The following TMEM135 variants were observed in gnomAD, a reference collection of about 807,000 sequenced individuals.
The protein encoded by TMEM135 is peroxisomal membrane protein 52.
In TMEM135, 30 loss-of-function variants were observed where a neutral mutation model predicts 60.3. The observed-to-expected ratio is 0.50, with a 90% CI of 0.37 to 0.68. The LOEUF is 0.68. Among genes scored for constraint, TMEM135 ranks in the 30% least tolerant of loss-of-function variants. TMEM135 has a pLI of 0.00. For missense variants in TMEM135, 468 were observed against 548.8 expected, an observed-to-expected ratio of 0.85 and a Z score of 1.47; for synonymous variants, 190 against 186.7, an observed-to-expected ratio of 1.02 and a Z score of -0.14.
chr11:87,319,097 G>C, intron 13 of TMEM135: 1 of 527,134 alleles, frequency 1.9e-6, no homozygotes. Context: ...TCGAGCTCCT[G>C]ATCTCAGGTA....
At chr11:87,215,537 A>C (rs890751063) in intron 5 of TMEM135, among the ~76,000 whole-genome samples, 1 of 152,164 alleles carries the variant, frequency 6.6e-6, no homozygotes, top group Non-Finnish European at 1.5e-5. Flanking sequence ...CAAGTTGGCT[A>C]GTTCATATTT....
chr11:87,185,237 C>T (rs1939620669), intron 5 of TMEM135, among the ~76,000 whole-genome samples: 1 of 152,132 alleles, frequency 6.6e-6, no homozygotes, highest in South Asian at 2.1e-4. Flanking sequence ...TCAGTGTTCA[C>T]ATTTTCCCAG....
Position 87,202,241 on chromosome 11 carries a change from GTCTCAAACTCC to G in TMEM135, c.463-34395_463-34385del, listed in dbSNP as rs549333922. Reference sequence around the variant, plus strand: ...AGGTTTTGCCATGTTGGCCAGGCTGGTCTCAAACTCCTGACCTCAAGTGATCCACCCACCTC... The same window carrying G: ...AGGTTTTGCCATGTTGGCCAGGCTGGTGACCTCAAGTGATCCACCCACCTC... On this transcript the variant is annotated intron_variant, in intron 5 of 14. Transcript: ENST00000305494. Among the ~76,000 whole-genome samples the G allele has an allele frequency of 3.4e-3, 515 of 152,258 alleles. 2 individuals carry two copies. Among genetic ancestry groups the G allele is most frequent in the African/African-American group, 0.012 (493 of 41,550 alleles).
intron 6 of TMEM135, among the ~76,000 whole-genome samples, chr11:87,294,679 G>A (rs931836172): frequency 6.6e-6 from 1 of 152,132 alleles, no homozygotes; most frequent in East Asian, 1.9e-4. Flanking sequence ...CACTACACCC[G>A]GCCTAGGCCT....
At chr11:87,292,874 T>C (rs1019214216) in intron 6 of TMEM135, among the ~76,000 whole-genome samples, 2 of 152,214 alleles carry the variant, frequency 1.3e-5, no homozygotes, top group African/African-American at 4.8e-5. Context: ...GCCCCTCTTA[T>C]ATTTGAAAGC....
chr11:87,147,216 G>T (rs1212620814), intron 4 of TMEM135, among the ~76,000 whole-genome samples: 1 of 151,948 alleles, frequency 6.6e-6, no homozygotes, highest in Non-Finnish European at 1.5e-5. Context: ...CCAGCTACTC[G>T]GGAGGCTGAG....
At chr11:87,307,698 T>C (rs17149916) in intron 9 of TMEM135, among the ~76,000 whole-genome samples, 20,780 of 152,198 alleles carry the variant, frequency 0.14, 1,449 homozygotes, top group South Asian at 0.14. Flanking sequence ...TGTAAAACTA[T>C]TGGAGACCTG....
intron 4 of TMEM135, among the ~76,000 whole-genome samples, chr11:87,150,215 C>CAAAAAAA (rs200067307): frequency 1.8e-5 from 2 of 109,902 alleles, no homozygotes; most frequent in East Asian, 2.4e-4. Flanking sequence ...AACTCTGTCT[C>CAAAAAAA]AAAAAAAAAA....
chr11:87,099,550 C>T (rs2135181321), intron 4 of TMEM135, among the ~76,000 whole-genome samples: 1 of 152,128 alleles, frequency 6.6e-6, no homozygotes, highest in South Asian at 2.1e-4. Flanking sequence ...AACCCCTGTT[C>T]ATGGTTTTTA....
At chr11:87,224,306 A>C (rs1940718820) in intron 5 of TMEM135, among the ~76,000 whole-genome samples, 1 of 152,216 alleles carries the variant, frequency 6.6e-6, no homozygotes, top group Admixed American at 6.5e-5. Context: ...TGTCCACAAA[A>C]CCTTGTAGTT....
intron 7 of TMEM135, among the ~76,000 whole-genome samples, chr11:87,299,705 A>G (rs571964703): frequency 1.6e-4 from 24 of 152,228 alleles, no homozygotes; most frequent in Non-Finnish European, 2.1e-4. Flanking sequence ...TGGGGAAGAC[A>G]GCATTAATTT....
chr11:87,326,002 A>G lies in TMEM135; in HGVS notation c.*4669A>G, dbSNP rs1397074659. ...GTATATTACCACAGACACACATACC[A>G]TCTGGTCACCAACAGGGACATCAGG... On this transcript the variant is annotated 3_prime_UTR_variant, in exon 15 of 15. Transcript: ENST00000305494. 1.3e-5 allele frequency: 6 copies of G among 453,738 alleles called. No homozygotes were observed. The highest frequency in any genetic ancestry group is 7.1e-5 in the Admixed American group (3 of 42,516). 28.1% of individuals were successfully genotyped at this position (453,738 alleles called of 1,614,324 possible). A position where few individuals can be genotyped will look rare whatever the true frequency, so the allele number is the denominator to read the frequency against.
chr11:87,042,868 T>A (rs559433770), intron 1 of TMEM135, among the ~76,000 whole-genome samples: 1 of 152,240 alleles, frequency 6.6e-6, no homozygotes, highest in African/African-American at 2.4e-5. Flanking sequence ...AGATGTATGA[T>A]TCCTTTTATT....
chr11:87,272,774 A>G (rs1941894717), intron 6 of TMEM135, among the ~76,000 whole-genome samples: 1 of 152,190 alleles, frequency 6.6e-6, no homozygotes, highest in Admixed American at 6.5e-5. Context: ...CAGCACTGTA[A>G]TGATTCTGAT....
intron 4 of TMEM135, among the ~76,000 whole-genome samples, chr11:87,105,047 G>A (rs896598407): frequency 1.1e-4 from 17 of 152,164 alleles, no homozygotes; most frequent in Non-Finnish European, 8.8e-5. Context: ...GATGTTAGCC[G>A]TGGGCTTGTC....
intron 1 of TMEM135, among the ~76,000 whole-genome samples, chr11:87,044,847 C>T (rs1038466709): frequency 6.6e-6 from 1 of 151,184 alleles, no homozygotes. Flanking sequence ...GTGGGTTTCA[C>T]CGTATTGGCC....
intron 4 of TMEM135, among the ~76,000 whole-genome samples, chr11:87,114,588 A>G (rs1857831886): frequency 6.6e-6 from 1 of 152,160 alleles, no homozygotes; most frequent in African/African-American, 2.4e-5. Flanking sequence ...CATTACACTG[A>G]TGTTCAATTA....
chr11:87,117,825 G>A (rs931526812), intron 4 of TMEM135, among the ~76,000 whole-genome samples: 8 of 152,170 alleles, frequency 5.3e-5, no homozygotes, highest in African/African-American at 1.9e-4. Flanking sequence ...AGAATGGTGA[G>A]TTCTTTCCAG....
intron 6 of TMEM135, among the ~76,000 whole-genome samples, chr11:87,265,230 A>C (rs753134799): frequency 6.6e-6 from 1 of 152,072 alleles, no homozygotes; most frequent in South Asian, 2.1e-4. Context: ...TTAGTCCTAC[A>C]CATCTGGTTG....
Sources: allele counts gnomAD v4.1 joint callset (sites outside exome capture counted in the v4.1 genomes callset), GRCh38; gene constraint gnomAD v4.1.1; transcripts MANE v1.5; gene names NCBI Gene and HGNC (gene_info 2026-07-23, HGNC 2026-07-21).